The following TUT4 variants were observed in gnomAD, a reference collection of about 807,000 sequenced individuals.
The protein encoded by TUT4 is terminal uridylyltransferase 4.
A neutral mutation model predicts 192.2 loss-of-function variants in TUT4; 36 were observed. The ratio of observed to expected loss-of-function variants is 0.19; its 90% CI spans 0.14 to 0.25. TUT4 has a LOEUF of 0.25. Ranked by LOEUF, TUT4 falls within the 10% of genes least tolerant of loss-of-function variation. TUT4 has a pLI of 1.00. For missense variants in TUT4, 1,493 were observed against 1,957.2 expected (o/e 0.76, Z 4.47); for synonymous variants, 618 against 666.0 (o/e 0.93, Z 1.11).
intron 1 of TUT4, among the ~76,000 whole-genome samples, chr1:52,530,659 A>G (rs889453081): frequency 2.6e-5 from 4 of 152,282 alleles, no homozygotes; most frequent in Middle Eastern, 3.4e-3. Flanking sequence ...TTTTCCCCAA[A>G]AAGATGTAAT....
At chr1:52,534,807 G>A (rs1320360375) in intron 1 of TUT4, among the ~76,000 whole-genome samples, 2 of 152,046 alleles carry the variant, frequency 1.3e-5, no homozygotes, top group South Asian at 2.1e-4. Context: ...AGGCTGCAGT[G>A]AGCCGTGATG....
chr1:52,426,159 A>T (rs571469921), intron 28 of TUT4, among the ~76,000 whole-genome samples: 1 of 152,334 alleles, frequency 6.6e-6, no homozygotes, highest in Non-Finnish European at 1.5e-5. Context: ...GCATTGTGGC[A>T]TAATGGTTGA....
intron 1 of TUT4, among the ~76,000 whole-genome samples, chr1:52,537,140 G>A (rs1386534881): frequency 6.6e-6 from 1 of 152,040 alleles, no homozygotes; most frequent in East Asian, 1.9e-4. Flanking sequence ...AGCAGCCTGG[G>A]CAATAATAGT....
At chr1:52,458,115 C>T (rs1661489197) in intron 20 of TUT4, among the ~76,000 whole-genome samples, 1 of 152,152 alleles carries the variant, frequency 6.6e-6, no homozygotes, top group Admixed American at 6.5e-5. Context: ...AAAAGATATT[C>T]AATGGTTCTA....
chr1:52,550,070 G>A (rs750227501), intron 1 of TUT4, among the ~76,000 whole-genome samples: 12 of 152,110 alleles, frequency 7.9e-5, no homozygotes, highest in Admixed American at 1.3e-4. Flanking sequence ...CTTTTTCAGA[G>A]TGTGTGGTTT....
At chr1:52,479,851 G>A (rs112222736) in intron 11 of TUT4, among the ~76,000 whole-genome samples, 13,218 of 151,880 alleles carry the variant, frequency 0.087, 735 homozygotes, top group East Asian at 0.2. Context: ...AAAATTAGCC[G>A]GGCATGGTGG....
chr1:52,457,967 A>G (rs1570507682), intron 20 of TUT4, among the ~76,000 whole-genome samples: 3 of 152,318 alleles, frequency 2.0e-5, no homozygotes, highest in African/African-American at 4.8e-5. Context: ...GCCAGGCAAC[A>G]GGAGGGAAAA....
intron 6 of TUT4, 131 bp from the exon 7 acceptor site, chr1:52,493,793 C>G (rs1037165878): frequency 2.3e-5 from 15 of 650,376 alleles, no homozygotes; most frequent in African/African-American, 1.7e-4. Flanking sequence ...ATAGTGAAAA[C>G]AGAATCGTGT....
At chr1:52,533,143 G>C (rs1207603484) in intron 1 of TUT4, among the ~76,000 whole-genome samples, 6 of 152,168 alleles carry the variant, frequency 3.9e-5, no homozygotes, top group Non-Finnish European at 8.8e-5. Flanking sequence ...TGGTGAGACA[G>C]CAGGATCAAT....
intron 6 of TUT4, among the ~76,000 whole-genome samples, chr1:52,495,122 T>C (rs114101398): frequency 0.01 from 1,545 of 152,272 alleles, 22 homozygotes; most frequent in African/African-American, 0.036. Context: ...AGGTATCTGA[T>C]TTCAAAACTC....
At chr1:52,495,101 G>T (rs1672130507) in intron 6 of TUT4, among the ~76,000 whole-genome samples, 1 of 152,118 alleles carries the variant, frequency 6.6e-6, no homozygotes, top group African/African-American at 2.4e-5. Flanking sequence ...TCACAGATAA[G>T]ATCTGAATCT....
Position 52,423,691 on chromosome 1 carries a change from A to G in TUT4, c.*244T>C. The stretch of plus-strand genomic sequence containing the variant: ...AATTTGTATCACTCAATTTGGTGAT[A>G]CTAGTAAAAACTATAGTTCATATTT... On this transcript the variant is annotated 3_prime_UTR_variant, in exon 30 of 30. Coordinates refer to ENST00000257177, the MANE Select transcript of TUT4 (RefSeq NM_001009881.3). 4 of 766,536 alleles carry G rather than the reference A, an allele frequency of 5.2e-6. No individual in the cohort carries two copies. The highest frequency in any genetic ancestry group is 1.9e-5 in the South Asian group (1 of 52,268). 47.5% of individuals were successfully genotyped at this position (766,536 alleles called of 1,614,324 possible).
chr1:52,496,877 TA>T, intron 5 of TUT4, 128 bp downstream of exon 5: 2 of 925,654 alleles, frequency 2.2e-6, no homozygotes, highest in Non-Finnish European at 3.1e-6. Flanking sequence ...AATTCATTCA[TA>T]AAACAATAAA....
Position 52,474,945 on chromosome 1 carries a change from T to C in TUT4, c.2614A>G (p.Thr872Ala). 1 of 1,614,182 alleles carries C rather than the reference T, an allele frequency of 6.2e-7. No individual in the cohort carries two copies. The highest frequency in any genetic ancestry group is 8.5e-7 in the Non-Finnish European group (1 of 1,180,030). The change falls in exon 13 of 30, where the codon ACC (threonine) becomes GCC (alanine). Residue 872 changes from threonine (T) to alanine (A), a missense_variant. By Grantham distance (58) the Thr-to-Ala change is moderately conservative (BLOSUM62 0). Transcript: ENST00000257177. ...HQSVCTDTSA[T>A]SCNCKATEDA... The stretch of plus-strand genomic sequence containing the variant: ...TCTGTAGCTTTGCAGTTGCAAGAGG[T>C]AGCAGATGTGTCGGTGCACACACTC...
chr1:52,536,791 T>C lies in TUT4; in HGVS notation c.-93-10418A>G, dbSNP rs568375327. 3.2e-4 allele frequency among the ~76,000 whole-genome samples: 48 copies of C among 151,110 alleles called. No homozygotes were observed. In the East Asian group the frequency reaches 7.2e-3, roughly 23 times the overall value. On this transcript the variant is annotated intron_variant, in intron 1 of 29. Transcript: ENST00000257177. ...ATCACTTGAACCCAGGAGGTGGAGG[T>C]TGCAGTGAGCCGAGACTGTGCCACT...
Position 52,436,804 on chromosome 1 carries a change from C to T in TUT4, c.4113G>A (p.Arg1371=), listed in dbSNP as rs775582914. 8.1e-6 allele frequency: 13 copies of T among 1,613,774 alleles called. No individual in the cohort carries two copies. The highest frequency in any genetic ancestry group is 1.0e-5 in the Non-Finnish European group (12 of 1,180,016). ...GGGCCAGCTTGACCTCTGGGCACTC[C>T]CTTCGTACATGTCCAGCATCTCCAC... ...FICGDAGHVR[R]ECPEVKLARQ... is the part of the protein sequence containing the mutation. The change falls in exon 26 of 30, where the codon AGG becomes AGA. Residue 1371 remains arginine (R), a synonymous_variant. Transcript: ENST00000257177.
At chr1:52,446,065 A>C (rs1299089102) in intron 22 of TUT4, 61 bp from the exon 23 acceptor site, 1 of 1,502,176 alleles carries the variant, frequency 6.7e-7, no homozygotes, top group Non-Finnish European at 9.1e-7. Flanking sequence ...AAATATACTT[A>C]GAAGTCACCG....
rs372368066 is a variant in TUT4, at chr1:52,451,627, A to C, written c.3436-4960T>G. 5.3e-4 allele frequency among the ~76,000 whole-genome samples: 80 copies of C among 152,284 alleles called. 2 individuals are homozygous for C. The South Asian group carries it at 0.017, about 32-fold the overall frequency. On this transcript the variant is annotated intron_variant, in intron 20 of 29. Coordinates refer to ENST00000257177, the MANE Select transcript of TUT4 (RefSeq NM_001009881.3). Reference sequence around the variant, plus strand: ...GAGGCCAAGGCGGGCGGATCACCTGAGGTCAGGAGTTCAAGACCAGCCTGG... The same window carrying C: ...GAGGCCAAGGCGGGCGGATCACCTGCGGTCAGGAGTTCAAGACCAGCCTGG...
rs186798025 is a variant in TUT4 at position 52,518,117 on chromosome 1, C to T, written c.719-2063G>A. 2.0e-5 allele frequency among the ~76,000 whole-genome samples: 3 copies of T among 152,178 alleles called. No homozygotes were observed. In the South Asian group the frequency reaches 6.2e-4, roughly 31 times the overall value. On this transcript the variant is annotated intron_variant, in intron 2 of 29. Transcript: ENST00000257177. The stretch of plus-strand genomic sequence containing the variant: ...ACTCTCACAAAACAAGAATTGAAAA[C>T]CTGTATCCACACAAATACTTGTACA...
Sources: gnomAD v4.1 joint callset for allele counts (sites outside exome capture counted in the v4.1 genomes callset) on GRCh38, gnomAD v4.1.1 for gene constraint, MANE v1.5 for transcripts, NCBI Gene and HGNC (gene_info 2026-07-23, HGNC 2026-07-21) for gene names.